Variants in MSRA observed in about 807,000 individuals in gnomAD.
MSRA encodes methionine sulfoxide reductase A.
MSRA carries 54 observed loss-of-function variants against 31.3 expected under a neutral mutation model. That is an observed-to-expected ratio of 1.73 (90% CI 1.39 to 2.17). The LOEUF is 2.17. MSRA is among the 30% of genes most tolerant of loss of function. MSRA has a pLI of 0.00. For missense variants in MSRA, 507 were observed against 300.9 expected (o/e 1.69, Z -5.07); for synonymous variants, 169 against 116.5 (o/e 1.45, Z -2.90).
At chr8:10,060,213 G>C (rs1802631789) in intron 1 of MSRA, among the ~76,000 whole-genome samples, 1 of 152,192 alleles carries the variant, frequency 6.6e-6, no homozygotes, top group Non-Finnish European at 1.5e-5. Flanking sequence ...AACAACCCAG[G>C]TGCCTATCAG....
chr8:10,095,978 T>C (rs1179010249), intron 1 of MSRA: 1 of 1,397,598 alleles, frequency 7.2e-7, no homozygotes, highest in Non-Finnish European at 9.4e-7. Context: ...AAATAAAGTT[T>C]GTTCATCAAT....
intron 5 of MSRA, among the ~76,000 whole-genome samples, chr8:10,344,912 G>C (rs1803674189): frequency 6.6e-6 from 1 of 152,122 alleles, no homozygotes; most frequent in Non-Finnish European, 1.5e-5. Flanking sequence ...AAAAATAATT[G>C]TTCTTGTGAT....
chr8:10,428,106 C>T (rs1186914467), intron 5 of MSRA, 42 bp from the exon 6 acceptor site: 2 of 1,591,636 alleles, frequency 1.3e-6, no homozygotes, highest in Non-Finnish European at 8.5e-7. Context: ...GGTGCTGTCT[C>T]TCTAGCATGG....
At chr8:10,411,883 T>C (rs1234084054) in intron 5 of MSRA, among the ~76,000 whole-genome samples, 5 of 139,782 alleles carry the variant, frequency 3.6e-5, no homozygotes, top group Non-Finnish European at 8.2e-5. Flanking sequence ...AGCAAAACTT[T>C]CCCAGGGGTG....
intron 5 of MSRA, among the ~76,000 whole-genome samples, chr8:10,399,113 A>G (rs868264337): frequency 6.6e-6 from 1 of 152,234 alleles, no homozygotes; most frequent in Non-Finnish European, 1.5e-5. Context: ...AACTTTAAAG[A>G]TGGAACTTGA....
intron 5 of MSRA, among the ~76,000 whole-genome samples, chr8:10,383,703 C>A (rs1030861899): frequency 6.6e-6 from 1 of 152,148 alleles, no homozygotes; most frequent in Admixed American, 6.5e-5. Context: ...CAAATCGGAT[C>A]GCTTTCCTTT....
At chr8:10,092,530 C>T (rs537348156) in intron 1 of MSRA, among the ~76,000 whole-genome samples, 13 of 151,994 alleles carry the variant, frequency 8.6e-5, no homozygotes, top group African/African-American at 1.2e-4. Flanking sequence ...TGGTGGCGCA[C>T]GCCTTTAGTC....
intron 3 of MSRA, among the ~76,000 whole-genome samples, chr8:10,289,768 C>T (rs1202895742): frequency 2.6e-5 from 4 of 152,160 alleles, no homozygotes; most frequent in African/African-American, 4.8e-5. Context: ...GGAAAACGTA[C>T]GCTTGACAAC....
chr8:10,213,152 T>C (rs895646030), intron 2 of MSRA, among the ~76,000 whole-genome samples: 1 of 152,144 alleles, frequency 6.6e-6, no homozygotes, highest in African/African-American at 2.4e-5. Context: ...CACTATTATA[T>C]TTTGCATCCA....
chr8:10,345,347 G>T (rs571481310), intron 5 of MSRA, among the ~76,000 whole-genome samples: 1 of 152,258 alleles, frequency 6.6e-6, no homozygotes, highest in South Asian at 2.1e-4. Flanking sequence ...TGTAAGGAGG[G>T]CCAGCCTGAG....
At chr8:10,421,949 G>T (rs7818307) in intron 5 of MSRA, among the ~76,000 whole-genome samples, 33,581 of 152,140 alleles carry the variant, frequency 0.22, 4,086 homozygotes, top group Non-Finnish European at 0.26. Context: ...CCTGGGTGGG[G>T]ATTTTTGGGA....
At position 10,374,665 on chromosome 8, in the gene MSRA, G is replaced by A. The variant is rs184682327; in HGVS notation, c.544-53483G>A. ...ACCATTCAGAGTCTGACAGTTTAGC[G>A]TGCATTTCCCCCTCAATTTTGCCTT... is the stretch of plus-strand genomic sequence containing the variant. On this transcript the variant is annotated intron_variant, in intron 5 of 5. Coordinates refer to ENST00000317173, the MANE Select transcript of MSRA (RefSeq NM_012331.5). 6.6e-5 allele frequency among the ~76,000 whole-genome samples: 10 copies of A among 152,302 alleles called. No homozygotes were observed. The East Asian group carries it at 9.6e-4, about 15-fold the overall frequency.
At chr8:10,128,828 T>A (rs1392749055) in intron 1 of MSRA, among the ~76,000 whole-genome samples, 1 of 152,232 alleles carries the variant, frequency 6.6e-6, no homozygotes, top group African/African-American at 2.4e-5. Flanking sequence ...TTACTAAATG[T>A]TTACGTTGCA....
intron 4 of MSRA, among the ~76,000 whole-genome samples, chr8:10,310,785 A>G (rs1475129234): frequency 6.6e-6 from 1 of 152,232 alleles, no homozygotes; most frequent in Non-Finnish European, 1.5e-5. Context: ...GTTGGGTAGC[A>G]CATGGCCCCA....
At chr8:10,116,085 A>G (rs918906058) in intron 1 of MSRA, among the ~76,000 whole-genome samples, 7 of 152,210 alleles carry the variant, frequency 4.6e-5, no homozygotes, top group East Asian at 1.9e-4. Context: ...GTCTGCCCTC[A>G]TGGTGCATGG....
intron 5 of MSRA, among the ~76,000 whole-genome samples, chr8:10,359,120 T>G (rs990258905): frequency 1.3e-5 from 2 of 152,192 alleles, no homozygotes; most frequent in African/African-American, 4.8e-5. Context: ...AGTTTTGATT[T>G]CTTTTAATTT....
chr8:10,423,375 C>T (rs970330975), intron 5 of MSRA, among the ~76,000 whole-genome samples: 2 of 152,208 alleles, frequency 1.3e-5, no homozygotes, highest in Admixed American at 1.3e-4. Flanking sequence ...CTAGGAACCC[C>T]TGCCCCATCA....
chr8:10,110,649 C>T (rs1800211451), intron 1 of MSRA, among the ~76,000 whole-genome samples: 1 of 152,222 alleles, frequency 6.6e-6, no homozygotes, highest in Admixed American at 6.5e-5. Flanking sequence ...ATCTCCTTGG[C>T]AGGATCTGTG....
intron 1 of MSRA, among the ~76,000 whole-genome samples, chr8:10,205,470 G>C (rs1585165231): frequency 6.6e-6 from 1 of 152,134 alleles, no homozygotes; most frequent in East Asian, 1.9e-4. Flanking sequence ...GCTGGTTTGG[G>C]ATGGGAGGAC....
Sources: gnomAD v4.1 joint callset for allele counts (sites outside exome capture counted in the v4.1 genomes callset) on GRCh38, gnomAD v4.1.1 for gene constraint, MANE v1.5 for transcripts, NCBI Gene and HGNC (gene_info 2026-07-23, HGNC 2026-07-21) for gene names.